The following PTDSS2 variants were observed in gnomAD, a reference collection of about 807,000 sequenced individuals.
The protein encoded by PTDSS2 is phosphatidylserine synthase 2, also known as PSS-2.
A neutral mutation model predicts 64.7 loss-of-function variants in PTDSS2; 41 were observed. The ratio of observed to expected loss-of-function variants is 0.63; its 90% confidence interval spans 0.49 to 0.82. The LOEUF (loss-of-function observed/expected upper bound fraction) is 0.82, where lower values mean the gene tolerates loss of function less well. PTDSS2 is among the 40% of genes least tolerant of loss of function. The pLI, the probability that PTDSS2 is intolerant of heterozygous loss-of-function variation, is 0.00. For missense variants in PTDSS2, 485 were observed against 650.0 expected (o/e 0.75, Z 2.76); for synonymous variants, 297 against 277.8 (o/e 1.07, Z -0.69).
intron 4 of PTDSS2, among the ~76,000 whole-genome samples, chr11:481,984 A>G (rs1447477449): frequency 6.6e-6 from 1 of 150,950 alleles, no homozygotes; most frequent in Admixed American, 6.6e-5. Flanking sequence ...CTGGGATTAC[A>G]GGCATGCACC....
intron 2 of PTDSS2, among the ~76,000 whole-genome samples, chr11:466,966 G>C (rs112330217): frequency 0.035 from 5,378 of 152,202 alleles, 112 homozygotes; most frequent in Non-Finnish European, 0.055. Context: ...GAGGTGGGAG[G>C]ATCCCTTGAG....
upstream of PTDSS2, among the ~76,000 whole-genome samples, chr11:448,903 C>T (rs375808679): frequency 6.6e-6 from 1 of 152,136 alleles, no homozygotes; most frequent in Non-Finnish European, 1.5e-5. Flanking sequence ...TTCATCGCCC[C>T]GAAAGAAACC....
At chr11:466,261 G>A (rs1393889653) in intron 2 of PTDSS2, among the ~76,000 whole-genome samples, 1 of 152,038 alleles carries the variant, frequency 6.6e-6, no homozygotes, top group East Asian at 1.9e-4. Flanking sequence ...AAAGAAAGAG[G>A]TTCATCGACT....
In PTDSS2 at chr11:460,166, T is replaced by G. The variant is rs373087909; in HGVS notation, c.183-21T>G. 1.2e-5 allele frequency: 20 copies of G among 1,600,826 alleles called. No homozygotes were observed. In the African/African-American group the frequency reaches 2.5e-4, roughly 20 times the overall value. Reference sequence around the variant, plus strand: ...TGCTGCCCAAGCTCTGACACCATGCTTATGCGTTTTTGGATTTCAGGCGAG... The same window carrying G: ...TGCTGCCCAAGCTCTGACACCATGCGTATGCGTTTTTGGATTTCAGGCGAG... On this transcript the variant is annotated intron_variant, in intron 1 of 11. Coordinates refer to ENST00000308020, the MANE Select transcript of PTDSS2 (RefSeq NM_030783.3). The surrounding 1 kb of genome is among the most constrained non-coding windows in gnomAD (Gnocchi z 5.8).
At chr11:456,255 C>G (rs1027447232) in intron 1 of PTDSS2, among the ~76,000 whole-genome samples, 9 of 147,496 alleles carry the variant, frequency 6.1e-5, no homozygotes, top group Non-Finnish European at 1.2e-4. Flanking sequence ...TTACTGCGGT[C>G]CCCGACTCCT....
At chr11:486,635 G>T (rs949824044) in intron 4 of PTDSS2, among the ~76,000 whole-genome samples, 1 of 152,126 alleles carries the variant, frequency 6.6e-6, no homozygotes, top group East Asian at 1.9e-4. Context: ...GAGGTCAGGA[G>T]ATCAAGACCA....
In PTDSS2 at chr11:479,099, T is replaced by C; in HGVS notation, c.382T>C (p.Trp128Arg). 1 of 1,614,182 alleles carries C rather than the reference T, an allele frequency of 6.2e-7. No individual in the cohort carries two copies. Among genetic ancestry groups the C allele is most frequent in the African/African-American group, 1.3e-5 (1 of 75,058 alleles). Residue 128 changes from tryptophan to arginine, a missense_variant, in exon 4 of 12, where the codon TGG (tryptophan) becomes CGG (arginine). Transcript: ENST00000308020. This position sits in a 1 kb window ranked among gnomAD's most constrained non-coding sequence, Gnocchi z 4.2. ...TGTCTTTGTAGCTTACTGGAGGTTT[T>C]GGCTCTGCGTGAGTGTGGTCTACGA... is the stretch of plus-strand genomic sequence containing the variant. ...SRPHPAYWRF[W>R]LCVSVVYELF...
At chr11:467,243 G>T (rs1358697134) in intron 2 of PTDSS2, among the ~76,000 whole-genome samples, 1 of 152,128 alleles carries the variant, frequency 6.6e-6, no homozygotes, top group African/African-American at 2.4e-5. Flanking sequence ...CACCAGGGAA[G>T]TTATTCAGAC....
At chr11:466,197 A>G (rs1847132664) in intron 2 of PTDSS2, among the ~76,000 whole-genome samples, 1 of 152,156 alleles carries the variant, frequency 6.6e-6, no homozygotes, top group Non-Finnish European at 1.5e-5. Context: ...AACATGGTCT[A>G]TTAGTCTGTT....
In PTDSS2 at chr11:462,215, C is replaced by G. The variant is rs1232520170; in HGVS notation, c.284+1927C>G. ...GTTCCTATGGGAAGCACTAGGTGAC[C>G]CAGACCCAGAGGGGCCAGGAGCTTA... On this transcript the variant is annotated intron_variant, in intron 2 of 11. Coordinates refer to ENST00000308020, the MANE Select transcript of PTDSS2 (RefSeq NM_030783.3). This position sits in a 1 kb window ranked among gnomAD's most constrained non-coding sequence, Gnocchi z 4.5. Among the ~76,000 whole-genome samples the G allele has an allele frequency of 6.6e-6, 1 of 152,170 alleles. No homozygotes were observed. Among genetic ancestry groups the G allele is most frequent in the Non-Finnish European group, 1.5e-5 (1 of 68,020 alleles).
intron 1 of PTDSS2, among the ~76,000 whole-genome samples, chr11:457,335 T>C (rs1846644528): frequency 6.6e-6 from 1 of 152,244 alleles, no homozygotes; most frequent in South Asian, 2.1e-4. Flanking sequence ...CCAGTCTGCT[T>C]TTCGTGGATG....
At chr11:484,519 C>T (rs1177946762) in intron 4 of PTDSS2, among the ~76,000 whole-genome samples, 2 of 151,914 alleles carry the variant, frequency 1.3e-5, no homozygotes, top group African/African-American at 2.4e-5. Flanking sequence ...TGCGTGTGTG[C>T]TGTGTGCGCA....
At chr11:490,227 G>A (rs2133847393) in intron 11 of PTDSS2, among the ~76,000 whole-genome samples, 159 bp downstream of exon 11, 1 of 152,294 alleles carries the variant, frequency 6.6e-6, no homozygotes, top group South Asian at 2.1e-4. Flanking sequence ...CAGCCCTCGG[G>A]GCCTTCGCTC....
In PTDSS2 at chr11:476,600, T is replaced by C. The variant is rs1192632864; in HGVS notation, c.368-2485T>C. On this transcript the variant is annotated intron_variant, in intron 3 of 11. Coordinates refer to ENST00000308020, the MANE Select transcript of PTDSS2 (RefSeq NM_030783.3). This position sits in a 1 kb window ranked among gnomAD's most constrained non-coding sequence, Gnocchi z 4.9. ...GCAGCTTGTCCTGGCATGTGACCCC[T>C]GGCACAGGGAGAGACTCCCGGGAGA... Among the ~76,000 whole-genome samples the C allele has an allele frequency of 6.6e-6, 1 of 152,116 alleles. No individual in the cohort carries two copies. The highest frequency in any genetic ancestry group is 1.5e-5 in the Non-Finnish European group (1 of 68,002).
upstream of PTDSS2, chr11:448,316 G>A (rs1463721884): frequency 1.3e-5 from 2 of 152,188 alleles, no homozygotes. Flanking sequence ...TCCCCGCCCC[G>A]GCCTCTGCAC....
At chr11:459,905 G>C (rs1846794072) in intron 1 of PTDSS2, 1 of 447,302 alleles carries the variant, frequency 2.2e-6, no homozygotes, top group Non-Finnish European at 4.1e-6. Context: ...CTGGACGCCA[G>C]TGGCAGCATG....
intron 2 of PTDSS2, chr11:463,891 G>A (rs1847020120): frequency 6.6e-6 from 1 of 152,126 alleles, no homozygotes; most frequent in Admixed American, 6.5e-5. Flanking sequence ...AAGTTAAAAA[G>A]TTATAAAACT....
upstream of PTDSS2, among the ~76,000 whole-genome samples, chr11:448,912 C>T (rs1029465418): frequency 6.6e-6 from 1 of 152,104 alleles, no homozygotes; most frequent in African/African-American, 2.4e-5. Flanking sequence ...CCGAAAGAAA[C>T]CTGCTACCCT....
intron 2 of PTDSS2, among the ~76,000 whole-genome samples, chr11:468,631 C>T (rs1847248939): frequency 6.6e-6 from 1 of 152,224 alleles, no homozygotes; most frequent in African/African-American, 2.4e-5. Context: ...AGACGCTGCT[C>T]TAGTCGATAA....
Sources: gnomAD v4.1 joint callset for allele counts (sites outside exome capture counted in the v4.1 genomes callset) on GRCh38, gnomAD v4.1.1 for gene constraint, Gnocchi (gnomAD v3.1) non-coding constraint, MANE v1.5 for transcripts, NCBI Gene and HGNC (gene_info 2026-07-23, HGNC 2026-07-21) for gene names.